ADK: variants seen among roughly 807,000 people sequenced by gnomAD.
ADK encodes the protein N6,N6-dimethyladenosine kinase.
A neutral mutation model predicts 44.7 loss-of-function variants in ADK; 24 were observed. The observed-to-expected ratio is 0.54, with a 90% CI of 0.39 to 0.76. The LOEUF (loss-of-function observed/expected upper bound fraction) is 0.76, where lower values mean the gene tolerates loss of function less well. ADK is among the 30% of genes least tolerant of loss of function. The probability of loss-of-function intolerance (pLI) is 0.00; values close to 1 mark genes in which losing one functional copy is unlikely to be tolerated. For missense variants in ADK, 321 were observed against 425.1 expected (o/e 0.76, Z 2.15); for synonymous variants, 128 against 142.6 (o/e 0.90, Z 0.73).
At chr10:74,607,345 G>A (rs7074915) in intron 9 of ADK, among the ~76,000 whole-genome samples, 4,547 of 152,214 alleles carry the variant, frequency 0.03, 234 homozygotes, top group African/African-American at 0.1. Flanking sequence ...TTACAATTTG[G>A]TATGTTTTTG....
chr10:74,398,350 A>G (rs765669219), intron 5 of ADK, 121 bp from the exon 6 acceptor site: 14 of 512,392 alleles, frequency 2.7e-5, no homozygotes, highest in Admixed American at 1.0e-4. Context: ...CAATAACATT[A>G]GTTTTGAAGA....
intron 4 of ADK, among the ~76,000 whole-genome samples, chr10:74,346,282 T>A (rs1841762072): frequency 6.6e-6 from 1 of 152,200 alleles, no homozygotes; most frequent in Non-Finnish European, 1.5e-5. Flanking sequence ...AGTAGTGATT[T>A]TGCTTCAGTG....
At chr10:74,277,758 G>A (rs552123207) in intron 3 of ADK, among the ~76,000 whole-genome samples, 3 of 151,994 alleles carry the variant, frequency 2.0e-5, no homozygotes, top group Non-Finnish European at 4.4e-5. Flanking sequence ...TTAGAAATAC[G>A]GGTTTTTAAA....
intron 4 of ADK, among the ~76,000 whole-genome samples, chr10:74,386,706 C>T (rs958844615): frequency 6.6e-6 from 1 of 152,154 alleles, no homozygotes; most frequent in African/African-American, 2.4e-5. Context: ...TCTACCTTTC[C>T]CATTAGTCTC....
At chr10:74,443,389 A>C (rs575504590) in intron 6 of ADK, among the ~76,000 whole-genome samples, 24 of 152,334 alleles carry the variant, frequency 1.6e-4, no homozygotes, top group African/African-American at 5.8e-4. Context: ...ACTTTCATCC[A>C]TGCTGCAACA....
chr10:74,622,755 C>T (rs1010504694), intron 9 of ADK, among the ~76,000 whole-genome samples: 1 of 152,116 alleles, frequency 6.6e-6, no homozygotes, highest in Non-Finnish European at 1.5e-5. Context: ...TGCCTGTAAT[C>T]CTAGCACTTT....
At chr10:74,519,219 C>T (rs183861995) in intron 6 of ADK, among the ~76,000 whole-genome samples, 17 of 151,944 alleles carry the variant, frequency 1.1e-4, no homozygotes, top group East Asian at 3.9e-4. Context: ...CAGTGAATTA[C>T]GTCACTAAAC....
At chr10:74,541,796 C>G (rs796691533) in intron 7 of ADK, among the ~76,000 whole-genome samples, 1 of 108,326 alleles carries the variant, frequency 9.2e-6, no homozygotes, top group South Asian at 3.7e-4. Flanking sequence ...CCCCACACAC[C>G]CCCCCCCCCT....
In ADK at chr10:74,571,772, GTC is replaced by G. The variant is rs1243237017; in HGVS notation, c.727-17506_727-17505del. Among the ~76,000 whole-genome samples the G allele has an allele frequency of 4.9e-3, 750 of 152,102 alleles. 11 individuals carry two copies. The highest frequency in any genetic ancestry group is 0.017 in the African/African-American group (707 of 41,486). ...ATTAATTTTTTGAAGGGTTTTTTGT[GTC>G]TCTATTTCCTTCAGTTCTGCTCTGA... On this transcript the variant is annotated intron_variant, in intron 7 of 10. Transcript: ENST00000539909.
chr10:74,701,274 G>A (rs1245454854), intron 10 of ADK, among the ~76,000 whole-genome samples: 1 of 152,180 alleles, frequency 6.6e-6, no homozygotes, highest in Non-Finnish European at 1.5e-5. Context: ...TTCTAAAATA[G>A]GTCTCTGTAC....
At chr10:74,363,802 C>T (rs1454698203) in intron 4 of ADK, among the ~76,000 whole-genome samples, 2 of 152,170 alleles carry the variant, frequency 1.3e-5, no homozygotes. Flanking sequence ...AGGGTCAGAG[C>T]TGAGAATGGA....
intron 4 of ADK, among the ~76,000 whole-genome samples, chr10:74,386,914 C>T (rs941586601): frequency 2.0e-5 from 3 of 151,546 alleles, no homozygotes; most frequent in African/African-American, 7.3e-5. Flanking sequence ...TCAGACACAG[C>T]ATGAACCACT....
chr10:74,708,283 A>AT, intron 10 of ADK, 38 bp from the exon 11 acceptor site: 1 of 1,599,392 alleles, frequency 6.3e-7, no homozygotes, highest in Non-Finnish European at 8.5e-7. Flanking sequence ...TGCTGCTGTT[A>AT]TACAATACTC....
intron 4 of ADK, among the ~76,000 whole-genome samples, chr10:74,345,345 C>T (rs1404420794): frequency 2.0e-5 from 3 of 151,572 alleles, no homozygotes; most frequent in African/African-American, 7.3e-5. Context: ...CTTTGTTGCC[C>T]AGGCTGGAGT....
At chr10:74,456,229 A>C (rs1422403516) in intron 6 of ADK, among the ~76,000 whole-genome samples, 2 of 152,122 alleles carry the variant, frequency 1.3e-5, no homozygotes, top group Admixed American at 6.5e-5. Flanking sequence ...AAATCAACAG[A>C]ATATACATTC....
chr10:74,367,191 CAGAAAAT>C (rs769961854), intron 4 of ADK, among the ~76,000 whole-genome samples: 53 of 152,114 alleles, frequency 3.5e-4, no homozygotes, highest in Non-Finnish European at 6.6e-4. Flanking sequence ...ACTATACACT[CAGAAAAT>C]GTATAGCAGT....
chr10:74,549,805 T>C (rs190512598), intron 7 of ADK, among the ~76,000 whole-genome samples: 7 of 152,304 alleles, frequency 4.6e-5, no homozygotes, highest in Non-Finnish European at 1.0e-4. Context: ...TTCATGTATG[T>C]AAAATATACA....
At chr10:74,447,037 C>T (rs1306821263) in intron 6 of ADK, among the ~76,000 whole-genome samples, 2 of 152,088 alleles carry the variant, frequency 1.3e-5, no homozygotes, top group Non-Finnish European at 2.9e-5. Flanking sequence ...CTCTCCACTA[C>T]GTAGAGCAGG....
At chr10:74,221,819 T>A (rs1025394936) in intron 2 of ADK, among the ~76,000 whole-genome samples, 2 of 148,040 alleles carry the variant, frequency 1.4e-5, no homozygotes, top group Admixed American at 6.7e-5. Flanking sequence ...GCTAGCCATA[T>A]GGAGAAAGCT....
Sources: gnomAD v4.1 joint callset for allele counts (sites outside exome capture counted in the v4.1 genomes callset) on GRCh38, gnomAD v4.1.1 for gene constraint, MANE v1.5 for transcripts, NCBI Gene and HGNC (gene_info 2026-07-23, HGNC 2026-07-21) for gene names.